Variants in CDH18 observed in about 807,000 individuals in gnomAD.
The protein encoded by CDH18 is cadherin-18.
CDH18 carries 31 observed loss-of-function variants against 67.9 expected under a neutral mutation model. That is an observed-to-expected ratio of 0.46 (90% CI 0.34 to 0.62). The LOEUF (loss-of-function observed/expected upper bound fraction) is 0.62, where lower values mean the gene tolerates loss of function less well. Ranked by LOEUF, CDH18 falls within the 20% of genes least tolerant of loss-of-function variation. CDH18 has a pLI of 0.01. For missense variants in CDH18, 890 were observed against 975.5 expected (o/e 0.91, Z 1.17); for synonymous variants, 362 against 347.2 (o/e 1.04, Z -0.48).
intron 2 of CDH18, among the ~76,000 whole-genome samples, chr5:20,220,833 AAAG>A (rs889294032): frequency 5.3e-5 from 8 of 152,154 alleles, no homozygotes; most frequent in Non-Finnish European, 1.2e-4. Context: ...ATATTTCTCA[AAAG>A]AAGACATACA....
At chr5:19,959,639 C>T (rs1024670933) in intron 2 of CDH18, among the ~76,000 whole-genome samples, 3 of 151,980 alleles carry the variant, frequency 2.0e-5, no homozygotes, top group Admixed American at 2.0e-4. Flanking sequence ...CATATATTTT[C>T]CATATTGAGT....
chr5:20,439,513 G>T (rs1190226549), intron 1 of CDH18, among the ~76,000 whole-genome samples: 15 of 151,478 alleles, frequency 9.9e-5, no homozygotes, highest in Admixed American at 2.6e-4. Context: ...CACTGTTATT[G>T]TCAGCGTATT....
intron 3 of CDH18, among the ~76,000 whole-genome samples, chr5:19,793,354 G>T (rs1378341323): frequency 6.6e-6 from 1 of 152,042 alleles, no homozygotes; most frequent in African/African-American, 2.4e-5. Context: ...GCAGTTGTAT[G>T]GAACAATCTG....
chr5:20,334,067 A>G (rs1447175544), intron 1 of CDH18, among the ~76,000 whole-genome samples: 1 of 151,880 alleles, frequency 6.6e-6, no homozygotes, highest in African/African-American at 2.4e-5. Context: ...ATCTCTGAAC[A>G]TCTTTGATAT....
intron 1 of CDH18, among the ~76,000 whole-genome samples, chr5:20,460,394 A>AATAC (rs915627994): frequency 1.7e-4 from 18 of 105,828 alleles, no homozygotes; most frequent in South Asian, 7.1e-4. Context: ...TCCATCTCTA[A>AATAC]ATACATAAAT....
intron 5 of CDH18, among the ~76,000 whole-genome samples, chr5:19,641,065 A>C (rs1352739479): frequency 2.0e-5 from 3 of 151,686 alleles, no homozygotes; most frequent in Non-Finnish European, 4.4e-5. Flanking sequence ...GCACAATTAT[A>C]GGCCAGCAAA....
chr5:20,426,531 T>G (rs534930325), intron 1 of CDH18, among the ~76,000 whole-genome samples: 1 of 151,338 alleles, frequency 6.6e-6, no homozygotes, highest in South Asian at 2.1e-4. Flanking sequence ...TTCCACTTTT[T>G]AATCCACTGT....
chr5:19,605,304 G>C (rs1747855243), intron 6 of CDH18, among the ~76,000 whole-genome samples: 1 of 151,618 alleles, frequency 6.6e-6, no homozygotes, highest in Admixed American at 6.6e-5. Flanking sequence ...ATCTACAGGT[G>C]TATGTGTCTT....
intron 2 of CDH18, among the ~76,000 whole-genome samples, chr5:20,019,712 A>G (rs1266537205): frequency 6.6e-6 from 1 of 152,204 alleles, no homozygotes; most frequent in African/African-American, 2.4e-5. Flanking sequence ...TAAATTACCC[A>G]GTCTCAGGTA....
chr5:20,023,245 A>C (rs1402873274), intron 2 of CDH18, among the ~76,000 whole-genome samples: 1 of 152,130 alleles, frequency 6.6e-6, no homozygotes, highest in Non-Finnish European at 1.5e-5. Flanking sequence ...CCACAAACTA[A>C]TATCCACAGC....
intron 2 of CDH18, among the ~76,000 whole-genome samples, chr5:19,869,503 T>A (rs1785979545): frequency 6.6e-6 from 1 of 152,130 alleles, no homozygotes; most frequent in African/African-American, 2.4e-5. Context: ...AGTTGGTTTT[T>A]ATTTTCTCTA....
intron 1 of CDH18, among the ~76,000 whole-genome samples, chr5:20,536,069 A>T (rs1029726165): frequency 2.6e-5 from 4 of 152,150 alleles, no homozygotes; most frequent in Non-Finnish European, 5.9e-5. Flanking sequence ...TAGTTTTATA[A>T]TTTTTTAAAA....
intron 2 of CDH18, among the ~76,000 whole-genome samples, chr5:19,955,412 TG>T (rs1194520429): frequency 2.0e-5 from 3 of 152,032 alleles, no homozygotes; most frequent in African/African-American, 7.2e-5. Flanking sequence ...GCAAAAACAC[TG>T]GGTATTTTAA....
At chr5:19,815,871 A>T (rs1240130973) in intron 3 of CDH18, among the ~76,000 whole-genome samples, 2 of 151,906 alleles carry the variant, frequency 1.3e-5, no homozygotes, top group African/African-American at 4.8e-5. Context: ...TTTAATAAAG[A>T]AATCTACACC....
intron 1 of CDH18, among the ~76,000 whole-genome samples, chr5:20,341,330 A>G (rs1740241679): frequency 6.6e-6 from 1 of 152,054 alleles, no homozygotes; most frequent in African/African-American, 2.4e-5. Context: ...AGACAGGCCT[A>G]GCCTCCCAGC....
At position 19,996,250 on chromosome 5, in the gene CDH18, C is replaced by T. The variant is rs113791101; in HGVS notation, c.-517-4236G>A. Among the ~76,000 whole-genome samples, 45 of 152,058 alleles carry T rather than the reference C, an allele frequency of 3.0e-4. 1 individual carries two copies. The highest frequency in any genetic ancestry group is 1.0e-3 in the African/African-American group (43 of 41,514). On this transcript the variant is annotated intron_variant, in intron 2 of 14. Coordinates refer to the CDH18 transcript ENST00000507958. ...TTTGAAAAATGATGCATATATTGTGCCTCTTAACATTTAATATATCAGATT... is the reference window on the plus strand; with the variant it reads ...TTTGAAAAATGATGCATATATTGTGTCTCTTAACATTTAATATATCAGATT...
intron 5 of CDH18, among the ~76,000 whole-genome samples, chr5:19,666,231 ATGATTT>A (rs1395728492): frequency 8.0e-6 from 1 of 124,236 alleles, no homozygotes; most frequent in African/African-American, 3.5e-5. Context: ...CCACGCCTGT[ATGATTT>A]TTATTATTAT....
intron 2 of CDH18, among the ~76,000 whole-genome samples, chr5:19,941,754 A>G (rs1198588140): frequency 6.6e-6 from 1 of 151,978 alleles, no homozygotes; most frequent in Non-Finnish European, 1.5e-5. Context: ...GTCACTGCAC[A>G]CCATCCTGGG....
intron 1 of CDH18, among the ~76,000 whole-genome samples, chr5:20,384,007 A>G (rs114271197): frequency 0.026 from 3,939 of 152,230 alleles, 71 homozygotes; most frequent in Non-Finnish European, 0.037. Flanking sequence ...ACTATCAAAG[A>G]TAAATTATCT....
Sources: gnomAD v4.1 joint callset for allele counts (sites outside exome capture counted in the v4.1 genomes callset) on GRCh38, gnomAD v4.1.1 for gene constraint, MANE v1.5 for transcripts, NCBI Gene and HGNC (gene_info 2026-07-23, HGNC 2026-07-21) for gene names.